TENM4: variants seen among roughly 807,000 people sequenced by gnomAD.
The protein encoded by TENM4 is teneurin-4.
A neutral mutation model predicts 243.3 loss-of-function variants in TENM4; 82 were observed. The observed-to-expected ratio is 0.34, with a 90% CI of 0.28 to 0.40. The LOEUF (loss-of-function observed/expected upper bound fraction) is 0.40. Ranked by LOEUF, TENM4 falls within the 10% of genes least tolerant of loss-of-function variation. TENM4 has a pLI of 1.00. For missense variants in TENM4, 3,138 were observed against 3,673.3 expected, an observed-to-expected ratio of 0.85 and a Z score of 3.77; for synonymous variants, 1,412 against 1,456.3, an observed-to-expected ratio of 0.97 and a Z score of 0.69.
chr11:79,215,372 G>T (rs953415827), intron 3 of TENM4, among the ~76,000 whole-genome samples: 1 of 152,120 alleles, frequency 6.6e-6, no homozygotes, highest in Non-Finnish European at 1.5e-5. Context: ...TCCCCACTGT[G>T]CCTCTGATCT....
chr11:79,181,324 G>A (rs887754375), intron 3 of TENM4, among the ~76,000 whole-genome samples: 1 of 151,970 alleles, frequency 6.6e-6, no homozygotes, highest in African/African-American at 2.4e-5. Flanking sequence ...CACATCAACA[G>A]GCTAAAAAAG....
At chr11:79,108,122 T>C (rs958376378) in intron 4 of TENM4, among the ~76,000 whole-genome samples, 2 of 152,230 alleles carry the variant, frequency 1.3e-5, no homozygotes, top group African/African-American at 4.8e-5. Flanking sequence ...CTGGAGACCA[T>C]CTGGGATGCT....
chr11:78,786,353 A>G (rs2136036103), intron 16 of TENM4, among the ~76,000 whole-genome samples: 1 of 152,340 alleles, frequency 6.6e-6, no homozygotes, highest in East Asian at 1.9e-4. Context: ...CCTCTTGGGG[A>G]ATTCTGACCT....
chr11:79,275,838 C>G (rs948747604), intron 2 of TENM4, among the ~76,000 whole-genome samples: 1 of 152,226 alleles, frequency 6.6e-6, no homozygotes, highest in Non-Finnish European at 1.5e-5. Flanking sequence ...TCCTTAGCAT[C>G]CTGTATAGAC....
At chr11:79,395,977 A>G (rs1590935645) in intron 1 of TENM4, among the ~76,000 whole-genome samples, 1 of 152,206 alleles carries the variant, frequency 6.6e-6, no homozygotes, top group Non-Finnish European at 1.5e-5. Flanking sequence ...GTCTTAGTTT[A>G]TAGTTGGTAG....
At chr11:79,099,307 C>G (rs1861164128) in intron 4 of TENM4, among the ~76,000 whole-genome samples, 1 of 152,006 alleles carries the variant, frequency 6.6e-6, no homozygotes, top group Non-Finnish European at 1.5e-5. Context: ...CTTTGCAGGC[C>G]CCCCATATAG....
At chr11:79,190,041 T>C (rs1863449195) in intron 3 of TENM4, among the ~76,000 whole-genome samples, 1 of 152,198 alleles carries the variant, frequency 6.6e-6, no homozygotes, top group Non-Finnish European at 1.5e-5. Context: ...TTCTGGAACC[T>C]TCAGTCCAAG....
intron 27 of TENM4, among the ~76,000 whole-genome samples, chr11:78,703,005 A>G (rs373708391): frequency 1.3e-5 from 2 of 152,362 alleles, no homozygotes; most frequent in East Asian, 3.9e-4. Flanking sequence ...CATAAAGACA[A>G]GCTAACCATG....
At chr11:79,076,654 G>A (rs917031628) in intron 4 of TENM4, among the ~76,000 whole-genome samples, 3 of 152,118 alleles carry the variant, frequency 2.0e-5, no homozygotes, top group African/African-American at 7.2e-5. Context: ...TTTCCTTTAT[G>A]TGAAGCTGGG....
intron 6 of TENM4, among the ~76,000 whole-genome samples, chr11:78,979,960 G>C (rs1254257401): frequency 2.0e-5 from 3 of 152,162 alleles, no homozygotes; most frequent in Non-Finnish European, 4.4e-5. Context: ...AAACTAGCAA[G>C]ACTGATTTGT....
At chr11:78,661,809 T>C (rs540037878) in intron 32 of TENM4, among the ~76,000 whole-genome samples, 35 of 152,280 alleles carry the variant, frequency 2.3e-4, no homozygotes, top group African/African-American at 6.5e-4. Flanking sequence ...CCAAGAGTGA[T>C]GACACTGAAA....
chr11:78,848,658 G>A (rs1303266607), intron 12 of TENM4, among the ~76,000 whole-genome samples: 5 of 152,150 alleles, frequency 3.3e-5, no homozygotes, highest in Admixed American at 2.6e-4. Flanking sequence ...GACTCCAGGA[G>A]TGACTGTTCT....
At chr11:79,108,676 T>C (rs1861432178) in intron 4 of TENM4, among the ~76,000 whole-genome samples, 1 of 152,076 alleles carries the variant, frequency 6.6e-6, no homozygotes, top group South Asian at 2.1e-4. Flanking sequence ...GGAGACAACA[T>C]CATTCAGGTA....
intron 22 of TENM4, 42 bp from the exon 23 acceptor site, chr11:78,726,264 G>T: frequency 6.2e-7 from 1 of 1,603,722 alleles, no homozygotes; most frequent in East Asian, 2.2e-5. Context: ...AGTGAGCAAA[G>T]CCCACTCTTT....
chr11:79,354,445 G>A (rs776988728), intron 1 of TENM4, among the ~76,000 whole-genome samples: 10 of 152,180 alleles, frequency 6.6e-5, no homozygotes, highest in Non-Finnish European at 1.2e-4. Context: ...AGGGAGAATG[G>A]ATGTCAAGGC....
intron 1 of TENM4, among the ~76,000 whole-genome samples, chr11:79,356,432 C>CTGGTGT (rs1857497782): frequency 6.6e-6 from 1 of 152,162 alleles, no homozygotes; most frequent in South Asian, 2.1e-4. Flanking sequence ...GAGTCATCAC[C>CTGGTGT]ACTACTACTA....
chr11:79,418,121 A>G (rs2097462511), intron 1 of TENM4, among the ~76,000 whole-genome samples: 1 of 111,218 alleles, frequency 9.0e-6, no homozygotes, highest in Admixed American at 9.3e-5. Context: ...AGGATGCATA[A>G]TAAGTAACAT....
Position 79,338,053 on chromosome 11 carries a change from A to T in TENM4, c.-320-40510T>A, listed in dbSNP as rs563027702. On this transcript the variant is annotated intron_variant, in intron 1 of 33. Transcript: ENST00000278550. ...ACGTATTTGGGATGACTGCTTCTCA[A>T]CTGTCTCTTCCCCTAGAATGTGAGT... Among the ~76,000 whole-genome samples, 7 of 152,352 alleles carry T rather than the reference A, an allele frequency of 4.6e-5. No homozygotes were observed. In the South Asian group the frequency reaches 1.4e-3, roughly 32 times the overall value.
At chr11:78,744,991 G>A (rs554293072) in intron 19 of TENM4, among the ~76,000 whole-genome samples, 60 of 152,198 alleles carry the variant, frequency 3.9e-4, no homozygotes, top group Non-Finnish European at 6.2e-4. Flanking sequence ...CTGCCATTTT[G>A]TTTGCTTGTA....
Sources: gnomAD v4.1 joint callset for allele counts (sites outside exome capture counted in the v4.1 genomes callset) on GRCh38, gnomAD v4.1.1 for gene constraint, MANE v1.5 for transcripts, NCBI Gene and HGNC (gene_info 2026-07-23, HGNC 2026-07-21) for gene names.